Variants in EHD4 observed in about 807,000 individuals in gnomAD.
EHD4 encodes the protein EH domain containing 4.
EHD4 carries 37 observed loss-of-function variants against 51.0 expected under a neutral mutation model. The ratio of observed to expected loss-of-function variants is 0.73; its 90% CI spans 0.56 to 0.95. The LOEUF (loss-of-function observed/expected upper bound fraction) is 0.95. Among genes scored for constraint, EHD4 ranks in the 40% least tolerant of loss-of-function variants. The probability of loss-of-function intolerance (pLI) is 0.00; values close to 1 mark genes in which losing one functional copy is unlikely to be tolerated. For synonymous variants in EHD4, 297 were observed against 317.3 expected, an observed-to-expected ratio of 0.94 and a Z score of 0.68; for missense variants, 632 against 733.1, an observed-to-expected ratio of 0.86 and a Z score of 1.59.
rs1302949289 is a variant in EHD4, at chr15:41,898,836, A to G, written c.*1809T>C. ...TGGGTGACAGAGACTTCCTCTCAAAATAAAAATAAAAATAATAAAATAATA... is the reference window on the plus strand; with the variant it reads ...TGGGTGACAGAGACTTCCTCTCAAAGTAAAAATAAAAATAATAAAATAATA... On this transcript the variant is annotated 3_prime_UTR_variant, in exon 6 of 6. Coordinates refer to ENST00000220325, the MANE Select transcript of EHD4 (RefSeq NM_139265.4). The G allele has an allele frequency of 1.3e-5, 2 of 152,166 alleles. No homozygotes were observed. The highest frequency in any genetic ancestry group is 3.8e-4 in the East Asian group (2 of 5,200). 9.4% of individuals were successfully genotyped at this position (152,166 alleles called of 1,614,324 possible).
chr15:41,953,421 C>A (rs998474536), intron 2 of EHD4, among the ~76,000 whole-genome samples: 119 of 152,204 alleles, frequency 7.8e-4, no homozygotes, highest in African/African-American at 2.7e-3. Context: ...GGTCTTACTT[C>A]GTTGTCCAAG....
chr15:41,934,054 C>A (rs569489232), intron 3 of EHD4, among the ~76,000 whole-genome samples: 1 of 152,284 alleles, frequency 6.6e-6, no homozygotes, highest in Admixed American at 6.5e-5. Context: ...AAGTTCTCCC[C>A]TCCGTTCTCT....
At chr15:41,935,666 C>T (rs1313716108) in intron 3 of EHD4, among the ~76,000 whole-genome samples, 1 of 152,194 alleles carries the variant, frequency 6.6e-6, no homozygotes, top group African/African-American at 2.4e-5. Context: ...TTGTGGTTAA[C>T]AGCACGCACT....
chr15:41,968,956 C>T (rs987231622), intron 1 of EHD4, among the ~76,000 whole-genome samples: 2 of 152,168 alleles, frequency 1.3e-5, no homozygotes, highest in East Asian at 1.9e-4. Flanking sequence ...CGTTTGCATG[C>T]GGCTATCCAG....
At chr15:41,934,728 G>C (rs1363533670) in intron 3 of EHD4, among the ~76,000 whole-genome samples, 1 of 152,188 alleles carries the variant, frequency 6.6e-6, no homozygotes, top group Non-Finnish European at 1.5e-5. Context: ...GGAGGGGGCA[G>C]CAGGGAAAGG....
At chr15:41,944,376 T>A (rs1434212362) in intron 2 of EHD4, among the ~76,000 whole-genome samples, 2 of 152,178 alleles carry the variant, frequency 1.3e-5, no homozygotes, top group African/African-American at 4.8e-5. Context: ...TCCTTTTCCT[T>A]TACTATGGAT....
At chr15:41,971,781 G>T (rs72726037) in intron 1 of EHD4, among the ~76,000 whole-genome samples, 4 of 152,130 alleles carry the variant, frequency 2.6e-5, no homozygotes, top group African/African-American at 9.7e-5. Flanking sequence ...CTCAAGGGAA[G>T]GGGGCCTGGG....
intron 3 of EHD4, among the ~76,000 whole-genome samples, chr15:41,934,015 C>G (rs916555553): frequency 5.9e-5 from 9 of 152,096 alleles, no homozygotes; most frequent in Non-Finnish European, 1.3e-4. Flanking sequence ...AGTCACAGAG[C>G]CTGCCCCACC....
chr15:41,914,546 G>A lies in EHD4; in HGVS notation c.924+4664C>T, dbSNP rs114330770. On this transcript the variant is annotated intron_variant, in intron 4 of 5. Coordinates refer to ENST00000220325, the MANE Select transcript of EHD4 (RefSeq NM_139265.4). Reference sequence around the variant, plus strand: ...ATTCCGTGCAGCCTTAAAGGGGACCGGAGGGGGCTGCACACTTGTCTGAGG... The same window carrying A: ...ATTCCGTGCAGCCTTAAAGGGGACCAGAGGGGGCTGCACACTTGTCTGAGG... Among the ~76,000 whole-genome samples, 434 of 152,226 alleles carry A rather than the reference G, an allele frequency of 2.9e-3. 3 individuals are homozygous for A. Among genetic ancestry groups the A allele is most frequent in the African/African-American group, 9.9e-3 (410 of 41,504 alleles).
intron 3 of EHD4, among the ~76,000 whole-genome samples, chr15:41,919,870 T>C (rs913596014): frequency 1.5e-4 from 23 of 152,260 alleles, no homozygotes; most frequent in African/African-American, 5.5e-4. Flanking sequence ...TGGGAATTGC[T>C]GACTTTCATA....
At chr15:41,929,677 G>A (rs1177767500) in intron 3 of EHD4, among the ~76,000 whole-genome samples, 2 of 152,194 alleles carry the variant, frequency 1.3e-5, no homozygotes, top group Non-Finnish European at 2.9e-5. Flanking sequence ...AAGTCCTGGA[G>A]CCTGGCTTAA....
chr15:41,961,214 T>C (rs1019614245), intron 1 of EHD4, among the ~76,000 whole-genome samples: 3 of 152,246 alleles, frequency 2.0e-5, no homozygotes, highest in Non-Finnish European at 4.4e-5. Flanking sequence ...GGCTGAGATG[T>C]GCTTGAAAGC....
rs1411963074 is a variant in EHD4, at chr15:41,896,852, C to T, written c.*3793G>A. The T allele has an allele frequency of 1.3e-5, 2 of 152,228 alleles. No homozygotes were observed. The highest frequency in any genetic ancestry group is 4.8e-5 in the African/African-American group (2 of 41,436). 9.4% of individuals were successfully genotyped at this position (152,228 alleles called of 1,614,324 possible). Reference sequence around the variant, plus strand: ...TGTCCCCACCTGATGGGGCCGCTTTCCTTCTGAAGCGGCTGCATTTTGGGT... The same window carrying T: ...TGTCCCCACCTGATGGGGCCGCTTTTCTTCTGAAGCGGCTGCATTTTGGGT... On this transcript the variant is annotated 3_prime_UTR_variant, in exon 6 of 6. Coordinates refer to ENST00000220325, the MANE Select transcript of EHD4 (RefSeq NM_139265.4).
Sources: allele counts gnomAD v4.1 joint callset (sites outside exome capture counted in the v4.1 genomes callset), GRCh38; gene constraint gnomAD v4.1.1; transcripts MANE v1.5; gene names NCBI Gene and HGNC (gene_info 2026-07-23, HGNC 2026-07-21).